SPOCK1: variants seen among roughly 807,000 people sequenced by gnomAD.
SPOCK1 encodes the protein SPARC (osteonectin), cwcv and kazal like domains proteoglycan 1.
In SPOCK1, 23 loss-of-function variants were observed where a neutral mutation model predicts 55.3. The observed-to-expected ratio is 0.42, with a 90% confidence interval of 0.30 to 0.59. The LOEUF is 0.59. Among genes scored for constraint, SPOCK1 ranks in the 20% least tolerant of loss-of-function variants. The probability of loss-of-function intolerance (pLI) is 0.22; values close to 1 mark genes in which losing one functional copy is unlikely to be tolerated. For synonymous variants in SPOCK1, 226 were observed against 221.0 expected (o/e 1.02, Z -0.20); for missense variants, 499 against 552.5 (o/e 0.90, Z 0.97).
At chr5:137,318,375 T>TA (rs938231131) in intron 2 of SPOCK1, among the ~76,000 whole-genome samples, 19 of 152,216 alleles carry the variant, frequency 1.2e-4, no homozygotes, top group African/African-American at 2.2e-4. Flanking sequence ...CCTTAAATAA[T>TA]AAAAAAAGCA....
At chr5:137,154,679 G>A (rs570041154) in intron 3 of SPOCK1, among the ~76,000 whole-genome samples, 2 of 152,282 alleles carry the variant, frequency 1.3e-5, no homozygotes, top group South Asian at 2.1e-4. Context: ...GGCTGGCCTT[G>A]CTCCAGATCT....
At chr5:137,080,995 G>A (rs1674874227) in intron 5 of SPOCK1, among the ~76,000 whole-genome samples, 1 of 152,164 alleles carries the variant, frequency 6.6e-6, no homozygotes, top group Non-Finnish European at 1.5e-5. Flanking sequence ...GAGGGTGCAG[G>A]CTTCATAAGT....
At chr5:137,059,926 A>C (rs551025048) in intron 6 of SPOCK1, among the ~76,000 whole-genome samples, 7 of 152,360 alleles carry the variant, frequency 4.6e-5, no homozygotes, top group African/African-American at 1.7e-4. Flanking sequence ...CAGAATGGCT[A>C]TTATTAAAAA....
intron 2 of SPOCK1, among the ~76,000 whole-genome samples, chr5:137,292,096 T>C (rs532059527): frequency 4.0e-4 from 61 of 152,306 alleles, no homozygotes; most frequent in African/African-American, 1.4e-3. Flanking sequence ...GATGCAGCCA[T>C]GCCTGAAGTC....
At chr5:136,990,124 A>G (rs932125250) in intron 7 of SPOCK1, among the ~76,000 whole-genome samples, 2 of 151,934 alleles carry the variant, frequency 1.3e-5, no homozygotes, top group African/African-American at 4.8e-5. Context: ...GTTAGCCAGG[A>G]TGGTCTCGAT....
At chr5:137,003,880 T>C (rs190508140) in intron 6 of SPOCK1, among the ~76,000 whole-genome samples, 1 of 152,310 alleles carries the variant, frequency 6.6e-6, no homozygotes, top group East Asian at 1.9e-4. Flanking sequence ...GTCCAGAACC[T>C]GGGAATGGCT....
At chr5:137,289,015 A>G (rs1388689906) in intron 2 of SPOCK1, among the ~76,000 whole-genome samples, 1 of 152,346 alleles carries the variant, frequency 6.6e-6, no homozygotes, top group East Asian at 1.9e-4. Flanking sequence ...GTACTGAGCT[A>G]TGGGGTCCAA....
chr5:137,368,755 G>C (rs1031285772), intron 2 of SPOCK1, among the ~76,000 whole-genome samples: 18 of 152,154 alleles, frequency 1.2e-4, no homozygotes, highest in African/African-American at 4.3e-4. Flanking sequence ...TGTCCCCACT[G>C]CTTCCACATC....
intron 3 of SPOCK1, among the ~76,000 whole-genome samples, chr5:137,251,181 C>T (rs1756518604): frequency 6.6e-6 from 1 of 152,192 alleles, no homozygotes; most frequent in African/African-American, 2.4e-5. Flanking sequence ...GAGGGCCACG[C>T]ACTGCAAACC....
chr5:137,467,563 A>C (rs538178944), intron 2 of SPOCK1, among the ~76,000 whole-genome samples: 2 of 152,378 alleles, frequency 1.3e-5, no homozygotes, highest in East Asian at 3.8e-4. Flanking sequence ...CATTGACTTA[A>C]AGGTGTGACA....
intron 2 of SPOCK1, among the ~76,000 whole-genome samples, chr5:137,420,276 G>T (rs1480911194): frequency 6.6e-6 from 1 of 152,106 alleles, no homozygotes; most frequent in Non-Finnish European, 1.5e-5. Flanking sequence ...TTGTGTCTCT[G>T]CCAGGCTTTG....
intron 6 of SPOCK1, among the ~76,000 whole-genome samples, chr5:137,014,180 C>A (rs1222831142): frequency 6.6e-6 from 1 of 152,084 alleles, no homozygotes; most frequent in African/African-American, 2.4e-5. Context: ...GCCCCCACTT[C>A]TCTTGCTTTG....
intron 5 of SPOCK1, among the ~76,000 whole-genome samples, chr5:137,078,096 A>C (rs1380897429): frequency 6.6e-6 from 1 of 152,154 alleles, no homozygotes; most frequent in African/African-American, 2.4e-5. Context: ...AGAACAGAGG[A>C]GATGCTTCAA....
intron 3 of SPOCK1, among the ~76,000 whole-genome samples, chr5:137,238,846 A>C (rs1243574388): frequency 6.6e-6 from 1 of 152,262 alleles, no homozygotes; most frequent in Admixed American, 6.5e-5. Flanking sequence ...TATACACTTG[A>C]TCTTAGCCAA....
At chr5:137,272,116 C>G (rs931710411) in intron 2 of SPOCK1, among the ~76,000 whole-genome samples, 3 of 152,126 alleles carry the variant, frequency 2.0e-5, no homozygotes, top group African/African-American at 7.2e-5. Flanking sequence ...CTAAGTAGAT[C>G]AGAACTGAGT....
chr5:137,331,888 A>G (rs2127151724), intron 2 of SPOCK1, among the ~76,000 whole-genome samples: 1 of 152,198 alleles, frequency 6.6e-6, no homozygotes, highest in South Asian at 2.1e-4. Flanking sequence ...GGCAAACAGA[A>G]CACTCCCCAG....
intron 2 of SPOCK1, among the ~76,000 whole-genome samples, chr5:137,376,319 C>A (rs1487941356): frequency 6.6e-6 from 1 of 152,240 alleles, no homozygotes; most frequent in Non-Finnish European, 1.5e-5. Flanking sequence ...GCACCGGCTG[C>A]CCCGCCCTCT....
chr5:137,129,543 T>A lies in SPOCK1; in HGVS notation c.347+11037A>T, dbSNP rs548681663. Among the ~76,000 whole-genome samples the A allele has an allele frequency of 3.0e-4, 45 of 152,174 alleles. No homozygotes were observed. In the South Asian group the frequency reaches 3.7e-3, roughly 13 times the overall value. ...GGCCTAAGGAATGGGTGCCACTGAT[T>A]GGTGGGGGATAAAATCATAGGGCTG... On this transcript the variant is annotated intron_variant, in intron 4 of 10. Coordinates refer to ENST00000394945, the MANE Select transcript of SPOCK1 (RefSeq NM_004598.4).
At position 137,282,718 on chromosome 5, in the gene SPOCK1, C is replaced by G. The variant is rs1406463969; in HGVS notation, c.187-15663G>C. On this transcript the variant is annotated intron_variant, in intron 2 of 10. Transcript: ENST00000394945. The stretch of plus-strand genomic sequence containing the variant: ...CAGAGAAAATCTCCAGTTTCTTCCT[C>G]CCGGTCCCTGCCATGAAGAGACTTG... Among the ~76,000 whole-genome samples, 6 of 152,210 alleles carry G rather than the reference C, an allele frequency of 3.9e-5. No individual in the cohort carries two copies. In the South Asian group the frequency reaches 1.2e-3, roughly 31 times the overall value.
Sources: allele counts gnomAD v4.1 joint callset (sites outside exome capture counted in the v4.1 genomes callset), GRCh38; gene constraint gnomAD v4.1.1; transcripts MANE v1.5; gene names NCBI Gene and HGNC (gene_info 2026-07-23, HGNC 2026-07-21).